Variants in INO80D observed in about 807,000 individuals in gnomAD.
INO80D encodes INO80 complex subunit D.
INO80D carries 21 observed loss-of-function variants against 87.6 expected under a neutral mutation model. The observed-to-expected ratio is 0.24, with a 90% CI of 0.17 to 0.35. INO80D has a LOEUF of 0.35. Among genes scored for constraint, INO80D ranks in the 10% least tolerant of loss-of-function variants. The probability of loss-of-function intolerance (pLI) is 1.00; values close to 1 mark genes in which losing one functional copy is unlikely to be tolerated. For missense variants in INO80D, 982 were observed against 1,280.7 expected (o/e 0.77, Z 3.56); for synonymous variants, 440 against 491.0 (o/e 0.90, Z 1.37).
Position 206,028,193 on chromosome 2 carries a change from A to C in INO80D, c.1216T>G (p.Leu406Val), listed in dbSNP as rs1474133149. Residue 406 changes from leucine (L) to valine (V), a missense_variant, in exon 6 of 11, where the codon TTG becomes GTG. Leu to Val is a conservative substitution (Grantham distance 32, BLOSUM62 1). Coordinates refer to ENST00000403263, the MANE Select transcript of INO80D (RefSeq NM_017759.5). ...KKCRHTFRKA[L>V]LQAASKEPEC... is the part of the protein sequence containing the mutation. ...GGTTCTTTACTGGCCGCCTGCAGCA[A>C]AGCTTTCCTAAACGTATGCCGGCAT... The C allele has an allele frequency of 1.9e-6, 3 of 1,609,080 alleles. No homozygotes were observed. In the Admixed American group the frequency reaches 5.1e-5, roughly 27 times the overall value.
At position 206,062,748 on chromosome 2, in the gene INO80D, T is replaced by A. The variant is rs2105890598; in HGVS notation, c.218+51A>T. The A allele has an allele frequency of 6.8e-7, 1 of 1,467,274 alleles. No homozygotes were observed. The highest frequency in any genetic ancestry group is 2.4e-5 in the Admixed American group (1 of 41,574). 90.9% of individuals were successfully genotyped at this position (1,467,274 alleles called of 1,614,324 possible). A position where few individuals can be genotyped will look rare whatever the true frequency, so the allele number is the denominator to read the frequency against. The stretch of plus-strand genomic sequence containing the variant: ...GAAGAAAAAACAAGAAAAGAAAAAA[T>A]TCCAAGCCTGTTAATGAAATCAAGG... On this transcript the variant is annotated intron_variant, in intron 3 of 10. Transcript: ENST00000403263. This position sits in a 1 kb window ranked among gnomAD's most constrained non-coding sequence, Gnocchi z 4.6.
chr2:206,030,603 G>A (rs1381359946), intron 5 of INO80D, among the ~76,000 whole-genome samples: 3 of 152,138 alleles, frequency 2.0e-5, no homozygotes, highest in Non-Finnish European at 4.4e-5. Context: ...ACAGGATGGT[G>A]AACAGCAAGA....
intron 6 of INO80D, chr2:206,025,542 A>AAAAAAAAAAATATAT (rs71301548): frequency 1.3e-5 from 1 of 76,936 alleles, no homozygotes; most frequent in African/African-American, 4.4e-5. Context: ...AAAAAAAAAA[A>AAAAAAAAAAATATAT]ATATATATAT....
chr2:206,005,297 C>CA lies in INO80D; in HGVS notation c.2154dup (p.Gly719TrpfsTer6). 1 of 1,613,994 alleles carries CA rather than the reference C, an allele frequency of 6.2e-7. No individual in the cohort carries two copies. Among genetic ancestry groups the CA allele is most frequent in the Non-Finnish European group, 8.5e-7 (1 of 1,179,876 alleles). ...GAAAAATTATCATGTACTATACGCC[C>CA]ATTCAATAGCTCCCCTAGGTCTGTG... On this transcript the variant is annotated frameshift_variant, in exon 11 of 11. Coordinates refer to ENST00000403263, the MANE Select transcript of INO80D (RefSeq NM_017759.5). LOFTEE classifies it high-confidence loss of function.
intron 3 of INO80D, among the ~76,000 whole-genome samples, chr2:206,060,219 A>G (rs1487537164): frequency 2.0e-5 from 3 of 151,948 alleles, no homozygotes; most frequent in Non-Finnish European, 2.9e-5. Flanking sequence ...AAAAAAAAGA[A>G]AAGAAAGACA....
At chr2:206,027,193 G>A (rs1305958388) in intron 6 of INO80D, among the ~76,000 whole-genome samples, 1 of 151,794 alleles carries the variant, frequency 6.6e-6, no homozygotes, top group Non-Finnish European at 1.5e-5. Flanking sequence ...AAGACTAGAA[G>A]GAAACAGAAT....
In INO80D at chr2:205,995,942, G is replaced by A. The variant is rs1687800090; in HGVS notation, c.*8426C>T. On this transcript the variant is annotated 3_prime_UTR_variant, in exon 11 of 11. Coordinates refer to ENST00000403263, the MANE Select transcript of INO80D (RefSeq NM_017759.5). Reference sequence around the variant, plus strand: ...ATTAAAATGTAAATGGTGAAGTTATGATTAAACTACAAAGCAAATAAAAAT... The same window carrying A: ...ATTAAAATGTAAATGGTGAAGTTATAATTAAACTACAAAGCAAATAAAAAT... 2 of 152,196 alleles carry A rather than the reference G, an allele frequency of 1.3e-5. No individual in the cohort carries two copies. The highest frequency in any genetic ancestry group is 4.1e-4 in the South Asian group (2 of 4,822). 9.4% of individuals were successfully genotyped at this position (152,196 alleles called of 1,614,324 possible).
chr2:206,013,851 A>T (rs1444796441), intron 8 of INO80D, among the ~76,000 whole-genome samples: 4 of 75,610 alleles, frequency 5.3e-5, no homozygotes, highest in Non-Finnish European at 1.4e-4. Context: ...GTAAGCTTAA[A>T]AAAAAAAAAA....
chr2:206,078,316 C>T (rs1488770436), intron 1 of INO80D, among the ~76,000 whole-genome samples: 1 of 152,102 alleles, frequency 6.6e-6, no homozygotes, highest in Non-Finnish European at 1.5e-5. Flanking sequence ...ACTCAGGAGG[C>T]TGAGGCAGAA....
chr2:206,068,705 TTTTC>T (rs1301255966), intron 1 of INO80D, among the ~76,000 whole-genome samples: 2 of 152,162 alleles, frequency 1.3e-5, no homozygotes, highest in African/African-American at 4.8e-5. Context: ...TTTTTTTTTC[TTTTC>T]TTTTTTTTGA....
At chr2:206,022,619 T>C (rs1442012980) in intron 6 of INO80D, among the ~76,000 whole-genome samples, 1 of 152,192 alleles carries the variant, frequency 6.6e-6, no homozygotes, top group Non-Finnish European at 1.5e-5. Context: ...GTTCACATAT[T>C]TGAAGCTATT....
intron 1 of INO80D, among the ~76,000 whole-genome samples, chr2:206,067,523 C>G (rs908197012): frequency 6.6e-6 from 1 of 152,092 alleles, no homozygotes; most frequent in Non-Finnish European, 1.5e-5. Flanking sequence ...AATTACCCTG[C>G]TGATTACTAT....
chr2:206,021,489 C>T (rs1014293358), intron 6 of INO80D, among the ~76,000 whole-genome samples: 7 of 152,162 alleles, frequency 4.6e-5, no homozygotes, highest in African/African-American at 1.7e-4. Flanking sequence ...AAATTGTTTA[C>T]ATTAAATTTA....
chr2:206,030,866 G>GCAGTTAAAAA (rs1688745058), intron 5 of INO80D, among the ~76,000 whole-genome samples: 1 of 152,138 alleles, frequency 6.6e-6, no homozygotes, highest in South Asian at 2.1e-4. Flanking sequence ...CAGAAGAAGA[G>GCAGTTAAAAA]AGAGAAGAAG....
chr2:206,070,918 C>T (rs1175317321), intron 1 of INO80D, among the ~76,000 whole-genome samples: 1 of 135,586 alleles, frequency 7.4e-6, no homozygotes, highest in Non-Finnish European at 1.5e-5. Context: ...TGCATGTTGA[C>T]CTAACAATAA....
chr2:206,074,546 G>A (rs578131213), intron 1 of INO80D, among the ~76,000 whole-genome samples: 6 of 147,218 alleles, frequency 4.1e-5, no homozygotes, highest in East Asian at 2.1e-4. Flanking sequence ...CCCGGGAGGC[G>A]GAGGTTGCAG....
chr2:206,009,954 A>T (rs1025213876), intron 8 of INO80D, among the ~76,000 whole-genome samples, 160 bp from the exon 9 acceptor site: 2 of 152,158 alleles, frequency 1.3e-5, no homozygotes, highest in African/African-American at 4.8e-5. Context: ...AAACTTCATC[A>T]ATTCCAAGAT....
intron 8 of INO80D, among the ~76,000 whole-genome samples, chr2:206,011,276 G>T (rs1688167986): frequency 6.6e-6 from 1 of 152,080 alleles, no homozygotes; most frequent in African/African-American, 2.4e-5. Context: ...GAAGTTAGGG[G>T]GCTCTCACCC....
chr2:206,028,738 C>A (rs886324205), intron 5 of INO80D, among the ~76,000 whole-genome samples: 3 of 152,054 alleles, frequency 2.0e-5, no homozygotes, highest in African/African-American at 4.8e-5. Flanking sequence ...TAGGTCATAC[C>A]AGAAATAGGG....
Sources: allele counts gnomAD v4.1 joint callset (sites outside exome capture counted in the v4.1 genomes callset), GRCh38; gene constraint gnomAD v4.1.1; non-coding constraint Gnocchi (gnomAD v3.1); transcripts MANE v1.5; gene names NCBI Gene and HGNC (gene_info 2026-07-23, HGNC 2026-07-21).